Variants in MARCHF7 observed in about 807,000 individuals in gnomAD.
MARCHF7 encodes E3 ubiquitin-protein ligase MARCHF7.
A neutral mutation model predicts 76.5 loss-of-function variants in MARCHF7; 20 were observed. The observed-to-expected ratio is 0.26, with a 90% CI of 0.18 to 0.38. The LOEUF is 0.38. MARCHF7 is among the 10% of genes least tolerant of loss of function. The probability of loss-of-function intolerance (pLI) is 1.00; values close to 1 mark genes in which losing one functional copy is unlikely to be tolerated. For missense variants in MARCHF7, 797 were observed against 812.9 expected (o/e 0.98, Z 0.24); for synonymous variants, 295 against 293.0 (o/e 1.01, Z -0.07).
chr2:159,721,508 G>T (rs1486527513), intron 3 of MARCHF7, among the ~76,000 whole-genome samples: 1 of 152,170 alleles, frequency 6.6e-6, no homozygotes, highest in African/African-American at 2.4e-5. Context: ...ACTAGCAGCT[G>T]CATTATCAGC....
intron 11 of MARCHF7, among the ~76,000 whole-genome samples, chr2:159,766,437 T>C (rs944530886): frequency 6.6e-6 from 1 of 152,184 alleles, no homozygotes; most frequent in East Asian, 1.9e-4. Context: ...AATGTAAATA[T>C]AAAAAGAGAG....
At chr2:159,725,436 A>G (rs2125358293) in intron 3 of MARCHF7, among the ~76,000 whole-genome samples, 1 of 152,324 alleles carries the variant, frequency 6.6e-6, no homozygotes, top group South Asian at 2.1e-4. Context: ...ATGACCAGTG[A>G]TGATGAGCAT....
chr2:159,720,770 G>C (rs1323672671), intron 3 of MARCHF7, among the ~76,000 whole-genome samples: 1 of 152,146 alleles, frequency 6.6e-6, no homozygotes, highest in Non-Finnish European at 1.5e-5. Flanking sequence ...ACCAAATTCA[G>C]GATTTGAACT....
intron 10 of MARCHF7, among the ~76,000 whole-genome samples, chr2:159,764,212 T>TTGTG (rs377705664): frequency 0.059 from 8,149 of 138,388 alleles, 281 homozygotes; most frequent in African/African-American, 0.072. Context: ...CTTGGGAGTT[T>TTGTG]TGTGTGTGTG....
At chr2:159,736,946 T>C (rs1221003418) in intron 4 of MARCHF7, among the ~76,000 whole-genome samples, 1 of 152,238 alleles carries the variant, frequency 6.6e-6, no homozygotes, top group South Asian at 2.1e-4. Context: ...TATTGAGTTA[T>C]AATTCATATA....
chr2:159,737,478 T>C (rs1703597784), intron 4 of MARCHF7, among the ~76,000 whole-genome samples: 1 of 152,176 alleles, frequency 6.6e-6, no homozygotes, highest in Non-Finnish European at 1.5e-5. Context: ...CCCACTAGCA[T>C]AGCCAAAATA....
At chr2:159,743,308 G>A in intron 5 of MARCHF7, 55 bp downstream of exon 5, 3 of 1,495,666 alleles carry the variant, frequency 2.0e-6, no homozygotes, top group Non-Finnish European at 2.7e-6. Context: ...GTGTAACACA[G>A]TTGTTCTTAG....
chr2:159,766,123 C>T (rs1444110405), intron 11 of MARCHF7, among the ~76,000 whole-genome samples: 3 of 152,120 alleles, frequency 2.0e-5, no homozygotes, highest in South Asian at 2.1e-4. Flanking sequence ...GACAAGGGTG[C>T]TGCAAGTTAA....
intron 3 of MARCHF7, among the ~76,000 whole-genome samples, chr2:159,723,161 T>G (rs573304515): frequency 1.3e-5 from 2 of 152,356 alleles, no homozygotes; most frequent in East Asian, 3.9e-4. Context: ...TGTCACTGTT[T>G]AACCATTAAT....
chr2:159,733,685 C>T (rs1703096833), intron 4 of MARCHF7: 1 of 985,308 alleles, frequency 1.0e-6, no homozygotes, highest in Non-Finnish European at 1.2e-6. Flanking sequence ...TGATCAATTT[C>T]AGTTATGTTA....
In MARCHF7 at chr2:159,770,929, A is replaced by T. The variant is rs1474164084; in HGVS notation, c.*3587A>T. 1 of 152,100 alleles carries T rather than the reference A, an allele frequency of 6.6e-6. No individual in the cohort carries two copies. The highest frequency in any genetic ancestry group is 6.5e-5 in the Admixed American group (1 of 15,276). 9.4% of individuals were successfully genotyped at this position (152,100 alleles called of 1,614,324 possible). A position where few individuals can be genotyped will look rare whatever the true frequency, so the allele number is the denominator to read the frequency against. Reference sequence around the variant, plus strand: ...TTTTGGTTTATTGATGGTGAGGAAAATTACTCGTTTCAGCTTTTTCATTTT... The same window carrying T: ...TTTTGGTTTATTGATGGTGAGGAAATTTACTCGTTTCAGCTTTTTCATTTT... On this transcript the variant is annotated 3_prime_UTR_variant, in exon 12 of 12. Transcript: ENST00000409175.
At chr2:159,757,205 A>C (rs1490558272) in intron 8 of MARCHF7, among the ~76,000 whole-genome samples, 3 of 152,274 alleles carry the variant, frequency 2.0e-5, no homozygotes, top group African/African-American at 7.2e-5. Flanking sequence ...GCCTGGAGTT[A>C]GTTTTATAAG....
intron 2 of MARCHF7, among the ~76,000 whole-genome samples, chr2:159,715,445 C>G (rs1466889103): frequency 1.3e-5 from 2 of 152,120 alleles, no homozygotes; most frequent in African/African-American, 2.4e-5. Context: ...CTCCCAGACT[C>G]AAGCAGTTCT....
chr2:159,759,816 C>G (rs889144726), intron 9 of MARCHF7, among the ~76,000 whole-genome samples: 1 of 152,048 alleles, frequency 6.6e-6, no homozygotes, highest in African/African-American at 2.4e-5. Flanking sequence ...CACTTTTTGG[C>G]CAGGTACTAC....
chr2:159,762,565 A>C (rs916478754), intron 9 of MARCHF7, among the ~76,000 whole-genome samples: 1 of 152,240 alleles, frequency 6.6e-6, no homozygotes, highest in Non-Finnish European at 1.5e-5. Context: ...ATATATAGCT[A>C]TAGCCATTTG....
intron 9 of MARCHF7, among the ~76,000 whole-genome samples, chr2:159,760,756 G>A (rs548471549): frequency 1.4e-5 from 2 of 145,932 alleles, no homozygotes; most frequent in African/African-American, 5.1e-5. Context: ...GACTCGCTCT[G>A]TCATGCCTTT....
chr2:159,732,671 C>CCA (rs1376360094), intron 4 of MARCHF7, among the ~76,000 whole-genome samples: 3 of 151,774 alleles, frequency 2.0e-5, no homozygotes, highest in Non-Finnish European at 2.9e-5. Flanking sequence ...CAGCCCCCTG[C>CCA]CACACACACA....
intron 5 of MARCHF7, among the ~76,000 whole-genome samples, chr2:159,743,542 T>C (rs574266911): frequency 6.6e-5 from 10 of 152,340 alleles, no homozygotes; most frequent in African/African-American, 2.4e-4. Flanking sequence ...TTGGTTATTA[T>C]ATTTTGTAAT....
intron 4 of MARCHF7, among the ~76,000 whole-genome samples, chr2:159,735,920 G>A (rs754903894): frequency 6.6e-6 from 1 of 152,146 alleles, no homozygotes; most frequent in Admixed American, 6.5e-5. Flanking sequence ...TTAAGGCCAG[G>A]AGTACAAGAC....
Sources: gnomAD v4.1 joint callset for allele counts (sites outside exome capture counted in the v4.1 genomes callset) on GRCh38, gnomAD v4.1.1 for gene constraint, MANE v1.5 for transcripts, NCBI Gene and HGNC (gene_info 2026-07-23, HGNC 2026-07-21) for gene names.